The following FAF1 variants were observed in gnomAD, a reference collection of about 807,000 sequenced individuals.
The protein encoded by FAF1 is FAS-associated factor 1.
In FAF1, 25 loss-of-function variants were observed where a neutral mutation model predicts 92.5. That is an observed-to-expected ratio of 0.27 (90% confidence interval 0.20 to 0.38). The LOEUF is 0.38. Among genes scored for constraint, FAF1 ranks in the 10% least tolerant of loss-of-function variants. The pLI is 1.00. For missense variants in FAF1, 636 were observed against 793.3 expected (o/e 0.80, Z 2.38); for synonymous variants, 234 against 273.2 (o/e 0.86, Z 1.42).
intron 13 of FAF1, among the ~76,000 whole-genome samples, chr1:50,564,797 CTAAT>C (rs903345759): frequency 6.6e-6 from 1 of 151,960 alleles, no homozygotes; most frequent in South Asian, 2.1e-4. Flanking sequence ...ATAAACCAGC[CTAAT>C]TAATTATCTT....
intron 4 of FAF1, among the ~76,000 whole-genome samples, chr1:50,762,371 T>C (rs1210923717): frequency 3.5e-4 from 53 of 152,080 alleles, no homozygotes; most frequent in Non-Finnish European, 5.9e-4. Context: ...AAAAAGAGTC[T>C]GCATCGCCAA....
At chr1:50,696,241 A>C (rs972175040) in intron 7 of FAF1, among the ~76,000 whole-genome samples, 18 of 152,222 alleles carry the variant, frequency 1.2e-4, no homozygotes, top group South Asian at 8.3e-4. Context: ...TAAGGTTTAC[A>C]CTTTCCCAAG....
At chr1:50,562,663 A>G (rs774766319) in intron 13 of FAF1, among the ~76,000 whole-genome samples, 1 of 152,226 alleles carries the variant, frequency 6.6e-6, no homozygotes, top group Non-Finnish European at 1.5e-5. Context: ...TACCTTGTAC[A>G]TACCTCATAT....
At chr1:50,680,489 C>A (rs1337071128) in intron 7 of FAF1, among the ~76,000 whole-genome samples, 2 of 152,064 alleles carry the variant, frequency 1.3e-5, no homozygotes, top group African/African-American at 4.8e-5. Context: ...TTGAGACCAG[C>A]CTGGCCAAAC....
chr1:50,468,015 T>A (rs1646520561), intron 18 of FAF1, among the ~76,000 whole-genome samples: 1 of 152,114 alleles, frequency 6.6e-6, no homozygotes, highest in Non-Finnish European at 1.5e-5. Flanking sequence ...TCGAGACTAG[T>A]CTGGGCAACA....
chr1:50,613,389 C>G (rs551073728), intron 8 of FAF1, among the ~76,000 whole-genome samples: 6 of 152,088 alleles, frequency 3.9e-5, no homozygotes, highest in Admixed American at 6.6e-5. Context: ...TTTGAACTTA[C>G]GCATCTTCAT....
chr1:50,872,758 G>GGT (rs895539616), intron 1 of FAF1, among the ~76,000 whole-genome samples: 4 of 152,080 alleles, frequency 2.6e-5, no homozygotes, highest in African/African-American at 9.7e-5. Flanking sequence ...AAAGTAGCTG[G>GGT]GTGTGGTGGT....
intron 6 of FAF1, among the ~76,000 whole-genome samples, chr1:50,734,877 TA>T (rs2124479401): frequency 6.6e-6 from 1 of 152,316 alleles, no homozygotes; most frequent in Non-Finnish European, 1.5e-5. Flanking sequence ...GTAAGTTATC[TA>T]TACATATTTA....
intron 1 of FAF1, among the ~76,000 whole-genome samples, chr1:50,909,948 A>G (rs1644871240): frequency 6.6e-6 from 1 of 152,084 alleles, no homozygotes; most frequent in Admixed American, 6.5e-5. Context: ...CCTCTGGAGG[A>G]GAAGAGGCAC....
At chr1:50,756,995 T>G (rs1660101542) in intron 4 of FAF1, among the ~76,000 whole-genome samples, 1 of 152,230 alleles carries the variant, frequency 6.6e-6, no homozygotes, top group Admixed American at 6.5e-5. Flanking sequence ...TTTTCTACTT[T>G]CCCTTGTGAT....
At chr1:50,721,277 C>T (rs1267378739) in intron 6 of FAF1, among the ~76,000 whole-genome samples, 3 of 151,944 alleles carry the variant, frequency 2.0e-5, no homozygotes, top group Admixed American at 1.3e-4. Flanking sequence ...TTATCACCAG[C>T]GATCTCTGCT....
chr1:50,754,168 T>C lies in FAF1; in HGVS notation c.368-9393A>G, dbSNP rs12058334. ...TCTTTGCGTGCCTGGTAATTTTTTA[T>C]TGGATGCCTGACATTGTAAATTTTA... On this transcript the variant is annotated intron_variant, in intron 4 of 18. Coordinates refer to ENST00000396153, the MANE Select transcript of FAF1 (RefSeq NM_007051.3). Among the ~76,000 whole-genome samples, 1,509 of 152,334 alleles carry C rather than the reference T, an allele frequency of 9.9e-3. 24 individuals are homozygous for C. Among genetic ancestry groups the C allele is most frequent in the African/African-American group, 0.034 (1,429 of 41,578 alleles).
At chr1:50,797,391 C>A (rs1014317451) in intron 3 of FAF1, among the ~76,000 whole-genome samples, 3 of 151,954 alleles carry the variant, frequency 2.0e-5, no homozygotes, top group Admixed American at 6.5e-5. Context: ...TCTATAAATA[C>A]CTTTTTTAAA....
At chr1:50,487,298 A>G (rs2149006284) in intron 17 of FAF1, among the ~76,000 whole-genome samples, 1 of 152,334 alleles carries the variant, frequency 6.6e-6, no homozygotes, top group Non-Finnish European at 1.5e-5. Context: ...TTGGCCCAAG[A>G]TAAGTATAGA....
intron 1 of FAF1, among the ~76,000 whole-genome samples, chr1:50,882,533 C>A (rs888646227): frequency 6.6e-6 from 1 of 151,778 alleles, no homozygotes; most frequent in Non-Finnish European, 1.5e-5. Flanking sequence ...GCCCGAGAGG[C>A]AGAGGTTGTG....
chr1:50,876,147 G>A (rs765988802), intron 1 of FAF1, among the ~76,000 whole-genome samples: 1 of 152,152 alleles, frequency 6.6e-6, no homozygotes, highest in Non-Finnish European at 1.5e-5. Flanking sequence ...CATTCCAGAG[G>A]ACACAGTACT....
intron 4 of FAF1, among the ~76,000 whole-genome samples, chr1:50,785,132 C>CAAAAAAA (rs748061344): frequency 2.5e-4 from 15 of 59,076 alleles, no homozygotes; most frequent in African/African-American, 2.6e-4. Context: ...GACCCTATCT[C>CAAAAAAA]AAAAAAAAAA....
At chr1:50,551,479 A>G (rs764754420) in intron 13 of FAF1, among the ~76,000 whole-genome samples, 1 of 152,212 alleles carries the variant, frequency 6.6e-6, no homozygotes, top group Non-Finnish European at 1.5e-5. Flanking sequence ...TGTAAATACC[A>G]TGATTTTAAA....
At chr1:50,869,031 T>A (rs922420569) in intron 1 of FAF1, among the ~76,000 whole-genome samples, 2 of 152,174 alleles carry the variant, frequency 1.3e-5, no homozygotes, top group African/African-American at 4.8e-5. Flanking sequence ...TTTGTCTATA[T>A]CTGCCTTCAG....
Sources: allele counts gnomAD v4.1 joint callset (sites outside exome capture counted in the v4.1 genomes callset), GRCh38; gene constraint gnomAD v4.1.1; transcripts MANE v1.5; gene names NCBI Gene and HGNC (gene_info 2026-07-23, HGNC 2026-07-21).